The following DOCK10 variants were observed in gnomAD, a reference collection of about 807,000 sequenced individuals.
The protein encoded by DOCK10 is dedicator of cytokinesis 10.
In DOCK10, 145 loss-of-function variants were observed where a neutral mutation model predicts 280.1. The ratio of observed to expected loss-of-function variants is 0.52; its 90% CI spans 0.45 to 0.59. The LOEUF is 0.59. Ranked by LOEUF, DOCK10 falls within the 20% of genes least tolerant of loss-of-function variation. DOCK10 has a pLI of 0.00. For synonymous variants in DOCK10, 915 were observed against 942.2 expected (o/e 0.97, Z 0.53); for missense variants, 2,368 against 2,651.7 (o/e 0.89, Z 2.35).
rs149294337 is a variant in DOCK10, at chr2:224,952,839, G to A, written c.124-21171C>T. Among the ~76,000 whole-genome samples the A allele has an allele frequency of 6.9e-3, 1,056 of 152,106 alleles. 11 individuals are homozygous for A. The highest frequency in any genetic ancestry group is 0.024 in the African/African-American group (991 of 41,490). On this transcript the variant is annotated intron_variant, in intron 1 of 55. Transcript: ENST00000258390. ...GATCTCCTGACCTCGTGATCTGCCC[G>A]CCTCGGCCTCCCAAAGTGCTGGGAT...
Position 224,784,268 on chromosome 2 carries a change from AAC to A in DOCK10, c.5655+2752_5655+2753del, listed in dbSNP as rs1261811985. Among the ~76,000 whole-genome samples the A allele has an allele frequency of 4.6e-5, 7 of 152,210 alleles. No individual in the cohort carries two copies. The East Asian group carries it at 5.8e-4, about 13-fold the overall frequency. ...CACTCTAAGACACTCCTTCAGAAAA[AAC>A]ACAGTTTTTTCAATATCTTGGGAGG... On this transcript the variant is annotated intron_variant, in intron 50 of 55. Coordinates refer to ENST00000258390, the MANE Select transcript of DOCK10 (RefSeq NM_014689.3).
chr2:224,774,239 T>C (rs1574791438), intron 52 of DOCK10, among the ~76,000 whole-genome samples: 1 of 152,270 alleles, frequency 6.6e-6, no homozygotes, highest in East Asian at 1.9e-4. Flanking sequence ...CAGCCAGCCT[T>C]AGGAGCCCCC....
intron 3 of DOCK10, among the ~76,000 whole-genome samples, chr2:224,907,415 C>T (rs774163575): frequency 1.3e-5 from 2 of 152,122 alleles, no homozygotes; most frequent in Non-Finnish European, 2.9e-5. Flanking sequence ...GGGCCAGGCG[C>T]GGTGGCTCAC....
At chr2:224,781,939 TA>T (rs1311023337) in intron 50 of DOCK10, among the ~76,000 whole-genome samples, 1 of 152,162 alleles carries the variant, frequency 6.6e-6, no homozygotes, top group African/African-American at 2.4e-5. Context: ...GGTATTTTAT[TA>T]GACTCATTCA....
At chr2:225,003,944 G>A (rs528203806) in intron 1 of DOCK10, among the ~76,000 whole-genome samples, 2 of 152,260 alleles carry the variant, frequency 1.3e-5, no homozygotes, top group South Asian at 4.2e-4. Flanking sequence ...CTATCAAAAT[G>A]TTAATAAACA....
At position 225,014,081 on chromosome 2, in the gene DOCK10, A is replaced by ATATATATATTT. The variant is rs776104946; in HGVS notation, c.123+28170_123+28171insAAATATATATA. On this transcript the variant is annotated intron_variant, in intron 1 of 55. Transcript: ENST00000258390. ...AAAAAATCCCCAGAAGTCTGAATAT[A>ATATATATATTT]TTGTTTTTTTTTTTTTGTTTTTTTT... Among the ~76,000 whole-genome samples the ATATATATATTT allele has an allele frequency of 8.3e-5, 8 of 96,798 alleles. No individual in the cohort carries two copies. In the East Asian group the frequency reaches 9.4e-4, roughly 11 times the overall value. The allele number at this position is 96,798 out of a possible 152,430, so 63.5% of individuals were successfully genotyped here.
chr2:224,956,340 T>C (rs535246990), intron 1 of DOCK10, among the ~76,000 whole-genome samples: 1 of 152,138 alleles, frequency 6.6e-6, no homozygotes, highest in African/African-American at 2.4e-5. Flanking sequence ...AGACCATCCA[T>C]TGGCGGGCAC....
chr2:224,830,573 C>T lies in DOCK10; in HGVS notation c.3004G>A (p.Ala1002Thr), dbSNP rs770346375. ...FFFAIILKSMAQHLIDTNKIQ... is the reference protein window; with the variant it reads ...FFFAIILKSMTQHLIDTNKIQ... ...TTATTTGTGTCAATCAAGTGCTGTGCCATCGATTTTAGGATAATTGCAAAG... is the reference window on the plus strand; with the variant it reads ...TTATTTGTGTCAATCAAGTGCTGTGTCATCGATTTTAGGATAATTGCAAAG... The change falls in exon 27 of 56, where the codon GCA becomes ACA. Residue 1002 changes from alanine (A) to threonine (T), a missense_variant. Physicochemically the swap from Ala to Thr is moderately conservative, Grantham distance 58. Transcript: ENST00000258390. The T allele has an allele frequency of 3.2e-5, 49 of 1,533,794 alleles. No homozygotes were observed. Among genetic ancestry groups the T allele is most frequent in the South Asian group, 1.9e-4 (14 of 74,280 alleles).
At position 224,793,434 on chromosome 2, in the gene DOCK10, A is replaced by C; in HGVS notation, c.5178T>G (p.Ile1726Met). Residue 1726 changes from isoleucine to methionine, a missense_variant, in exon 46 of 56, where the codon ATT becomes ATG. Coordinates refer to ENST00000258390, the MANE Select transcript of DOCK10 (RefSeq NM_014689.3). ...LSEAAMCYIH[I>M]AALIAEYLKR... ...TCAGATACTCTGCAATGAGAGCAGC[A>C]ATATGGATGTAACACATGGCAGCCT... is the stretch of plus-strand genomic sequence containing the variant. 6.2e-7 allele frequency: 1 copy of C among 1,613,666 alleles called. No homozygotes were observed. The highest frequency in any genetic ancestry group is 8.5e-7 in the Non-Finnish European group (1 of 1,179,686).
At chr2:225,034,801 G>A (rs1465463916) in intron 1 of DOCK10, among the ~76,000 whole-genome samples, 1 of 152,192 alleles carries the variant, frequency 6.6e-6, no homozygotes, top group Non-Finnish European at 1.5e-5. Flanking sequence ...GAGCTATGAA[G>A]ACAACTAAGC....
Position 225,042,215 on chromosome 2 carries a change from G to A in DOCK10, c.123+37C>T, listed in dbSNP as rs577368005. On this transcript the variant is annotated intron_variant, in intron 1 of 55. Transcript: ENST00000258390. The surrounding 1 kb of genome is among the most constrained non-coding windows in gnomAD (Gnocchi z 5.1). ...GGCTCCGTTCCCCCCGGGCGCCTGG[G>A]GCGCGCGGGAAGGCGCGGAGGACGC... 4.5e-4 allele frequency: 558 copies of A among 1,237,532 alleles called. 4 individuals carry two copies. Among genetic ancestry groups the A allele is most frequent in the African/African-American group, 9.2e-4 (59 of 63,972 alleles). The allele number at this position is 1,237,532 out of a possible 1,614,324, so 76.7% of individuals were successfully genotyped here.
At chr2:224,991,037 C>A (rs1232903423) in intron 1 of DOCK10, among the ~76,000 whole-genome samples, 1 of 152,186 alleles carries the variant, frequency 6.6e-6, no homozygotes, top group Non-Finnish European at 1.5e-5. Context: ...TGACTTTTGA[C>A]CAGAAGCAAT....
At chr2:224,994,421 A>G (rs960168976) in intron 1 of DOCK10, among the ~76,000 whole-genome samples, 13 of 152,232 alleles carry the variant, frequency 8.5e-5, no homozygotes, top group Non-Finnish European at 1.9e-4. Context: ...TAGTACTACA[A>G]GGTCAACAAG....
At chr2:224,906,075 T>C (rs1279266302) in intron 3 of DOCK10, among the ~76,000 whole-genome samples, 1 of 152,158 alleles carries the variant, frequency 6.6e-6, no homozygotes, top group Non-Finnish European at 1.5e-5. Flanking sequence ...CACTCTCTTC[T>C]GGGCACCTTA....
At chr2:224,822,743 G>A (rs915785672) in intron 28 of DOCK10, among the ~76,000 whole-genome samples, 1 of 151,928 alleles carries the variant, frequency 6.6e-6, no homozygotes, top group Non-Finnish European at 1.5e-5. Flanking sequence ...AAAGAGCCTG[G>A]AGATAATAAA....
chr2:224,833,110 T>G (rs1339869946), intron 26 of DOCK10, among the ~76,000 whole-genome samples: 1 of 152,216 alleles, frequency 6.6e-6, no homozygotes, highest in African/African-American at 2.4e-5. Flanking sequence ...CTCAAGTGGT[T>G]GTGGTCTCCA....
intron 1 of DOCK10, among the ~76,000 whole-genome samples, chr2:224,998,941 C>T (rs931592061): frequency 6.6e-6 from 1 of 152,150 alleles, no homozygotes; most frequent in Non-Finnish European, 1.5e-5. Context: ...AATCCCAGCA[C>T]TTTGAGAGGC....
chr2:224,913,930 G>C (rs143649903), intron 3 of DOCK10, among the ~76,000 whole-genome samples: 2,551 of 152,126 alleles, frequency 0.017, 70 homozygotes, highest in African/African-American at 0.059. Flanking sequence ...AGTAGAGACG[G>C]GGTTTCACCA....
chr2:224,960,750 T>A (rs1321611378), intron 1 of DOCK10, among the ~76,000 whole-genome samples: 2 of 141,910 alleles, frequency 1.4e-5, no homozygotes, highest in Non-Finnish European at 3.1e-5. Context: ...TTTTTTTTTT[T>A]TTTTTTTGAG....
Sources: gnomAD v4.1 joint callset for allele counts (sites outside exome capture counted in the v4.1 genomes callset) on GRCh38, gnomAD v4.1.1 for gene constraint, Gnocchi (gnomAD v3.1) non-coding constraint, MANE v1.5 for transcripts, NCBI Gene and HGNC (gene_info 2026-07-23, HGNC 2026-07-21) for gene names.